HSPB7: variants seen among roughly 807,000 people sequenced by gnomAD.
HSPB7 encodes the protein heat shock protein beta-7.
Under a neutral mutation model 11.0 loss-of-function variants are expected in HSPB7, and 9 were observed. The ratio of observed to expected loss-of-function variants is 0.82; its 90% CI spans 0.49 to 1.43. The LOEUF is 1.43. HSPB7 is among the 40% of genes most tolerant of loss of function. The pLI is 0.00. For missense variants in HSPB7, 246 were observed against 243.9 expected, an observed-to-expected ratio of 1.01 and a Z score of -0.06; for synonymous variants, 102 against 101.6, an observed-to-expected ratio of 1.00 and a Z score of -0.02.
chr1:16,018,902 AG>A, upstream of HSPB7: 1 of 1,242,744 alleles, frequency 8.0e-7, no homozygotes, highest in Non-Finnish European at 1.1e-6. Flanking sequence ...CACAGCTGGG[AG>A]GGTGGAGGGG....
chr1:16,016,197 G>A (rs999440815), intron 2 of HSPB7, among the ~76,000 whole-genome samples: 18 of 152,250 alleles, frequency 1.2e-4, no homozygotes, highest in African/African-American at 2.9e-4. Flanking sequence ...AGTTTGGGGC[G>A]GCTGAGTCAC....
chr1:16,018,335 TG>T (rs2021924330), upstream of HSPB7: 4 of 1,237,188 alleles, frequency 3.2e-6, no homozygotes, highest in South Asian at 4.3e-5. Flanking sequence ...CTTGCAAGTT[TG>T]GGGTTTATTG....
intron 2 of HSPB7, among the ~76,000 whole-genome samples, chr1:16,016,064 G>A (rs1053639913): frequency 6.6e-6 from 1 of 152,258 alleles, no homozygotes; most frequent in African/African-American, 2.4e-5. Context: ...GGCTCCTGGG[G>A]AACGTGGAGG....
upstream of HSPB7, chr1:16,018,467 A>G (rs1484815525): frequency 8.8e-7 from 1 of 1,138,770 alleles, no homozygotes; most frequent in African/African-American, 1.7e-5. Context: ...GGGACAGGGT[A>G]GGTGGAAGCA....
upstream of HSPB7, chr1:16,018,607 AC>A: frequency 9.6e-7 from 1 of 1,040,790 alleles, no homozygotes; most frequent in East Asian, 1.0e-4. Flanking sequence ...CCCCATGGGG[AC>A]CTGGATTCTG....
upstream of HSPB7, chr1:16,019,517 C>T: frequency 6.6e-7 from 1 of 1,505,972 alleles, no homozygotes; most frequent in Non-Finnish European, 8.9e-7. Flanking sequence ...TGTCTGAGCC[C>T]CCTACAACCC....
rs201960746 is a variant in HSPB7 at position 16,015,549 on chromosome 1, G to C, written c.*31C>G. ...GAGGCTTTGCTGGCAGGCGTGGGGC[G>C]GGGGGACAGGGAAAGGGAAGGGAGA... On this transcript the variant is annotated 3_prime_UTR_variant, in exon 3 of 3. Coordinates refer to ENST00000311890, the MANE Select transcript of HSPB7 (RefSeq NM_014424.5). This position sits in a 1 kb window ranked among gnomAD's most constrained non-coding sequence, Gnocchi z 4.9. 5.6e-5 allele frequency: 90 copies of C among 1,603,420 alleles called. No individual in the cohort carries two copies. The highest frequency in any genetic ancestry group is 7.4e-5 in the Non-Finnish European group (87 of 1,171,148).
chr1:16,019,101 C>G, upstream of HSPB7: 3 of 1,510,356 alleles, frequency 2.0e-6, no homozygotes, highest in South Asian at 3.8e-5. Flanking sequence ...CCCCTCCCTA[C>G]CCACCTGCTT....
In HSPB7 at chr1:16,017,136, A is replaced by G; in HGVS notation, c.271T>C (p.Phe91Leu). ...GTGACAATGATGTCTTCAGGTGAGAAGTCTCTCACGTCCACCGCAAACTCA... is the reference window on the plus strand; with the variant it reads ...GTGACAATGATGTCTTCAGGTGAGAGGTCTCTCACGTCCACCGCAAACTCA... ...AYEFAVDVRD[F>L]SPEDIIVTTS... The change falls in exon 2 of 3, where the codon TTC becomes CTC. Residue 91 changes from phenylalanine to leucine, a missense_variant. Physicochemically the swap from Phe to Leu is conservative, Grantham distance 22. Transcript: ENST00000311890. 1 of 1,613,488 alleles carries G rather than the reference A, an allele frequency of 6.2e-7. No individual in the cohort carries two copies. The highest frequency in any genetic ancestry group is 1.1e-5 in the South Asian group (1 of 91,056).
In HSPB7 at chr1:16,017,146, G is replaced by A. The variant is rs546817616; in HGVS notation, c.261C>T (p.Asp87=). 67 of 1,613,778 alleles carry A rather than the reference G, an allele frequency of 4.2e-5. No homozygotes were observed. In the East Asian group the frequency reaches 1.2e-3, roughly 29 times the overall value. ...TGTCTTCAGGTGAGAAGTCTCTCACGTCCACCGCAAACTCATAGGCGTCTC... is the reference window on the plus strand; with the variant it reads ...TGTCTTCAGGTGAGAAGTCTCTCACATCCACCGCAAACTCATAGGCGTCTC... The part of the protein sequence containing the change: ...TLGDAYEFAV[D]VRDFSPEDII... Residue 87 remains aspartate (D), a synonymous_variant, in exon 2 of 3, where the codon GAC becomes GAT. Transcript: ENST00000311890.
At position 16,015,857 on chromosome 1, in the gene HSPB7, C is replaced by T. The variant is rs559032563; in HGVS notation, c.334-98G>A. The T allele has an allele frequency of 1.9e-4, 215 of 1,152,134 alleles. No individual in the cohort carries two copies. In the African/African-American group the frequency reaches 3.0e-3, roughly 16 times the overall value. The allele number at this position is 1,152,134 out of a possible 1,614,324, so 71.4% of individuals were successfully genotyped here. ...CTCCCCATTCTAACCCCAGCCAGAC[C>T]CCACATGCCGAGGGGCTCTGCCCTC... On this transcript the variant is annotated intron_variant, in intron 2 of 2. Coordinates refer to ENST00000311890, the MANE Select transcript of HSPB7 (RefSeq NM_014424.5). This position sits in a 1 kb window ranked among gnomAD's most constrained non-coding sequence, Gnocchi z 4.9.
rs2021680318 is a variant in HSPB7, at chr1:16,015,844, AC to A, written c.334-86del. The A allele has an allele frequency of 1.5e-6, 2 of 1,317,836 alleles. No homozygotes were observed. The highest frequency in any genetic ancestry group is 1.4e-5 in the South Asian group (1 of 70,990). The allele number at this position is 1,317,836 out of a possible 1,614,324, so 81.6% of individuals were successfully genotyped here. A position where few individuals can be genotyped will look rare whatever the true frequency, so the allele number is the denominator to read the frequency against. The stretch of plus-strand genomic sequence containing the variant: ...CCAGAGCCCTCTTCTCCCCATTCTA[AC>A]CCCAGCCAGACCCCACATGCCGAGG... On this transcript the variant is annotated intron_variant, in intron 2 of 2. Transcript: ENST00000311890. This position sits in a 1 kb window ranked among gnomAD's most constrained non-coding sequence, Gnocchi z 4.9.
Position 16,015,479 on chromosome 1 carries a change from A to T in HSPB7, c.*101T>A, listed in dbSNP as rs2021633374. ...CTGGGGTCTGGGGTGCGTGGGGGCT[A>T]GAACCTGGGCTGAGATGTCCTGGAG... On this transcript the variant is annotated 3_prime_UTR_variant, in exon 3 of 3. Coordinates refer to ENST00000311890, the MANE Select transcript of HSPB7 (RefSeq NM_014424.5). This position sits in a 1 kb window ranked among gnomAD's most constrained non-coding sequence, Gnocchi z 4.9. The T allele has an allele frequency of 5.0e-6, 6 of 1,192,624 alleles. No individual in the cohort carries two copies. In the South Asian group the frequency reaches 7.0e-5, roughly 14 times the overall value. 73.9% of individuals were successfully genotyped at this position (1,192,624 alleles called of 1,614,324 possible).
At position 16,017,763 on chromosome 1, in the gene HSPB7, GC is replaced by G; in HGVS notation, c.199+1del. 6.3e-7 allele frequency: 1 copy of G among 1,591,174 alleles called. No homozygotes were observed. Among genetic ancestry groups the G allele is most frequent in the South Asian group, 1.1e-5 (1 of 87,712 alleles). On this transcript the variant is annotated splice_donor_variant, in intron 1 of 2. Coordinates refer to ENST00000311890, the MANE Select transcript of HSPB7 (RefSeq NM_014424.5). LOFTEE classifies it high-confidence loss of function. Reference sequence around the variant, plus strand: ...CCTCCCCTCAGGGCCCGGATCACTTGCCTGGGAAGGCCAGGGGCTCCGAGTG... The same window carrying G: ...CCTCCCCTCAGGGCCCGGATCACTTGCTGGGAAGGCCAGGGGCTCCGAGTG...
chr1:16,017,872 G>C lies in HSPB7; in HGVS notation c.92C>G (p.Ser31Cys), dbSNP rs201036059. The C allele has an allele frequency of 6.8e-6, 11 of 1,613,862 alleles. No individual in the cohort carries two copies. The highest frequency in any genetic ancestry group is 9.3e-6 in the Non-Finnish European group (11 of 1,179,924). ...CGGGTCCTGGGCCGGGAGAGCACGG[G>C]AGGCCGAGGAGGAGGTGGAAGAGGA... Reference protein sequence around the residue: ...SSSSSTSSSASRALPAQDPPM... With the variant: ...SSSSSTSSSACRALPAQDPPM... The change falls in exon 1 of 3, where the codon TCC becomes TGC. Residue 31 changes from serine (S) to cysteine (C), a missense_variant. Coordinates refer to ENST00000311890, the MANE Select transcript of HSPB7 (RefSeq NM_014424.5).
rs775935351 is a variant in HSPB7, at chr1:16,015,754, C to A, written c.339G>T (p.Ala113=). ...NHIEVRAEKL[A]ADGTVMNTFA... ...AGGTGTTCATGACAGTGCCGTCAGC[C>A]GCCAGCTGGGGAAGGGGTGACCCGT... is the stretch of plus-strand genomic sequence containing the variant. The change falls in exon 3 of 3, where the codon GCG becomes GCT. Residue 113 remains alanine, a synonymous_variant. Transcript: ENST00000311890. The surrounding 1 kb of genome is among the most constrained non-coding windows in gnomAD (Gnocchi z 4.9). 3.8e-6 allele frequency: 6 copies of A among 1,578,396 alleles called. No homozygotes were observed. In the African/African-American group the frequency reaches 8.1e-5, roughly 21 times the overall value.
chr1:16,019,518 C>CA (rs2021985302), upstream of HSPB7: 2 of 1,506,132 alleles, frequency 1.3e-6, no homozygotes, highest in South Asian at 1.3e-5. Flanking sequence ...GTCTGAGCCC[C>CA]CTACAACCCA....
upstream of HSPB7, chr1:16,019,472 G>C: frequency 6.5e-7 from 1 of 1,542,878 alleles, no homozygotes; most frequent in Non-Finnish European, 8.8e-7. Context: ...CTCCCCATTA[G>C]ATTGAAGGTT....
chr1:16,014,623 G>A lies in HSPB7; in HGVS notation c.*957C>T, dbSNP rs2021562487. On this transcript the variant is annotated 3_prime_UTR_variant, in exon 3 of 3. Coordinates refer to ENST00000311890, the MANE Select transcript of HSPB7 (RefSeq NM_014424.5). ...CTGAGTATTTGAAGGACAACGATAG[G>A]GGTGTGTGTGTTACACACACCGAGC... 1 of 152,178 alleles carries A rather than the reference G, an allele frequency of 6.6e-6. No individual in the cohort carries two copies. Among genetic ancestry groups the A allele is most frequent in the Non-Finnish European group, 1.5e-5 (1 of 68,028 alleles). The allele number at this position is 152,178 out of a possible 1,614,324, so 9.4% of individuals were successfully genotyped here.
Sources: allele counts gnomAD v4.1 joint callset (sites outside exome capture counted in the v4.1 genomes callset), GRCh38; gene constraint gnomAD v4.1.1; non-coding constraint Gnocchi (gnomAD v3.1); transcripts MANE v1.5; gene names NCBI Gene and HGNC (gene_info 2026-07-23, HGNC 2026-07-21).